Variants in DYSF observed in about 807,000 individuals in gnomAD.
The protein encoded by DYSF is dysferlin, also known as dystrophy-associated fer-1-like 1.
DYSF carries 212 observed loss-of-function variants against 274.9 expected under a neutral mutation model. That is an observed-to-expected ratio of 0.77 (90% CI 0.69 to 0.86). The LOEUF (loss-of-function observed/expected upper bound fraction) is 0.86. Ranked by LOEUF, DYSF falls within the 40% of genes least tolerant of loss-of-function variation. DYSF has a pLI of 0.00. For missense variants in DYSF, 2,666 were observed against 2,783.2 expected (o/e 0.96, Z 0.95); for synonymous variants, 1,091 against 1,078.7 (o/e 1.01, Z -0.22).
At chr2:71,649,990 A>G (rs1387261556) in intron 42 of DYSF, among the ~76,000 whole-genome samples, 1 of 152,234 alleles carries the variant, frequency 6.6e-6, no homozygotes, top group Non-Finnish European at 1.5e-5. Context: ...AAATGAGACA[A>G]AGGATGACAC....
chr2:71,483,259 A>G (rs1460063602), intron 3 of DYSF, among the ~76,000 whole-genome samples: 2 of 151,958 alleles, frequency 1.3e-5, no homozygotes, highest in African/African-American at 4.8e-5. Flanking sequence ...AGACATCTCC[A>G]CCTGCACGGG....
rs2094958928 is a variant in DYSF, at chr2:71,664,437, G to A, written c.5173G>A (p.Val1725Ile). 1.2e-6 allele frequency: 2 copies of A among 1,614,018 alleles called. No homozygotes were observed. Among genetic ancestry groups the A allele is most frequent in the African/African-American group, 1.3e-5 (1 of 74,928 alleles). The change falls in exon 46 of 56, where the codon GTC becomes ATC. Residue 1725 changes from valine to isoleucine, a missense_variant and splice_region_variant. Coordinates refer to ENST00000410020, the MANE Select transcript of DYSF (RefSeq NM_001130987.2). The part of the protein sequence containing the change: ...ARCGLPQTYC[V>I]SGPNQWRDQL... ...CTGTGGACTCCCACAGACCTACTGT[G>A]TGTACGTGGATGGGGGCTGGCTGCC... is the stretch of plus-strand genomic sequence containing the variant.
upstream of DYSF, chr2:71,466,656 G>A (rs1196521900): frequency 4.6e-6 from 6 of 1,316,086 alleles, no homozygotes; most frequent in Non-Finnish European, 5.8e-6. Flanking sequence ...TCCGCCCAGC[G>A]GGTGTCCGGT....
intron 32 of DYSF, among the ~76,000 whole-genome samples, chr2:71,592,984 G>A (rs1259708818): frequency 1.3e-5 from 2 of 152,180 alleles, no homozygotes; most frequent in African/African-American, 4.8e-5. Flanking sequence ...CTTAGGTGGG[G>A]TTTGAGTGTA....
At chr2:71,485,837 G>A (rs2083315275) in intron 3 of DYSF, among the ~76,000 whole-genome samples, 1 of 152,152 alleles carries the variant, frequency 6.6e-6, no homozygotes, top group African/African-American at 2.4e-5. Context: ...TTTTTGAGAT[G>A]GAGTCTTGCT....
chr2:71,683,032 C>G (rs188872486), intron 55 of DYSF, among the ~76,000 whole-genome samples: 2 of 152,270 alleles, frequency 1.3e-5, no homozygotes, highest in East Asian at 3.9e-4. Context: ...AGGTGTGGAA[C>G]TGGGTCTGAA....
At chr2:71,526,418 T>TTGTGGGGGGGGGGTTG in intron 13 of DYSF, 72 bp downstream of exon 13, 1 of 261,506 alleles carries the variant, frequency 3.8e-6, no homozygotes, top group Non-Finnish European at 7.0e-6. Flanking sequence ...GGGTGGGCGA[T>TTGTGGGGGGGGGGTTG]GGCGGGCGGG....
intron 55 of DYSF, among the ~76,000 whole-genome samples, chr2:71,682,995 G>T (rs570226516): frequency 1.3e-5 from 2 of 152,210 alleles, no homozygotes; most frequent in Admixed American, 6.5e-5. Context: ...TTTGGGTTGC[G>T]GTGGGCAGGG....
At chr2:71,478,462 C>T (rs944182801) in intron 1 of DYSF, among the ~76,000 whole-genome samples, 8 of 152,114 alleles carry the variant, frequency 5.3e-5, no homozygotes, top group Admixed American at 5.2e-4. Context: ...CCACCCACCT[C>T]AGCCTCCCAG....
intron 32 of DYSF, among the ~76,000 whole-genome samples, chr2:71,593,885 G>T (rs796544105): frequency 6.6e-6 from 1 of 152,204 alleles, no homozygotes; most frequent in African/African-American, 2.4e-5. Flanking sequence ...CAGGTCACTG[G>T]GCTCAGGCGG....
chr2:71,651,547 G>C (rs2094660725), intron 42 of DYSF, among the ~76,000 whole-genome samples: 1 of 152,132 alleles, frequency 6.6e-6, no homozygotes, highest in Non-Finnish European at 1.5e-5. Flanking sequence ...GAGAGAGCTG[G>C]AGCCAGGGAA....
intron 40 of DYSF, among the ~76,000 whole-genome samples, chr2:71,618,033 AG>A (rs2152887322): frequency 1.3e-5 from 1 of 75,826 alleles, no homozygotes; most frequent in African/African-American, 5.5e-5. Flanking sequence ...TGTGTGTGGT[AG>A]AGATGGTGTG....
intron 53 of DYSF, 135 bp downstream of exon 53, chr2:71,679,370 C>T: frequency 2.3e-6 from 2 of 888,590 alleles, no homozygotes; most frequent in Non-Finnish European, 3.4e-6. Context: ...CCCCCATCCC[C>T]CCTCTCTCTC....
At chr2:71,518,555 G>A (rs1474962194) in intron 10 of DYSF, among the ~76,000 whole-genome samples, 2 of 151,460 alleles carry the variant, frequency 1.3e-5, no homozygotes, top group East Asian at 3.9e-4. Flanking sequence ...ATGAGCCACC[G>A]TGCCTGGCCT....
chr2:71,511,830 C>G lies in DYSF; in HGVS notation c.369C>G (p.Ser123=). 1 of 1,551,484 alleles carries G rather than the reference C, an allele frequency of 6.4e-7. No individual in the cohort carries two copies. The highest frequency in any genetic ancestry group is 8.7e-7 in the Non-Finnish European group (1 of 1,146,824). Reference sequence around the variant, plus strand: ...AGGCCTCGCTGGTCCTGCAGGTGTCCTACACACCGCTGCCTGGAGCTGTGC... The same window carrying G: ...AGGCCTCGCTGGTCCTGCAGGTGTCGTACACACCGCTGCCTGGAGCTGTGC... ...PTGASLVLQV[S]YTPLPGAVPL... The change falls in exon 5 of 56, where the codon TCC becomes TCG. Residue 123 remains serine (S), a synonymous_variant. Coordinates refer to ENST00000410020, the MANE Select transcript of DYSF (RefSeq NM_001130987.2).
At chr2:71,614,069 G>A (rs1002087849) in intron 40 of DYSF, among the ~76,000 whole-genome samples, 12 of 152,282 alleles carry the variant, frequency 7.9e-5, no homozygotes, top group African/African-American at 2.2e-4. Context: ...CATGGCAGGA[G>A]GTCTGTGGCA....
chr2:71,535,363 G>C, intron 16 of DYSF, 52 bp downstream of exon 16: 1 of 1,532,188 alleles, frequency 6.5e-7, no homozygotes, highest in South Asian at 1.1e-5. Context: ...AGGGGGCGCT[G>C]GGTCCCTCAG....
At chr2:71,484,853 G>A (rs1180321141) in intron 3 of DYSF, among the ~76,000 whole-genome samples, 1 of 152,232 alleles carries the variant, frequency 6.6e-6, no homozygotes, top group Admixed American at 6.5e-5. Flanking sequence ...CACGCAGGCT[G>A]TTCTGGCTCT....
chr2:71,462,856 G>A (rs1029536888), upstream of DYSF, among the ~76,000 whole-genome samples: 2 of 152,234 alleles, frequency 1.3e-5, no homozygotes, highest in African/African-American at 4.8e-5. Context: ...GTCTAGCTGA[G>A]TCCTGGGATT....
Sources: gnomAD v4.1 joint callset for allele counts (sites outside exome capture counted in the v4.1 genomes callset) on GRCh38, gnomAD v4.1.1 for gene constraint, MANE v1.5 for transcripts, NCBI Gene and HGNC (gene_info 2026-07-23, HGNC 2026-07-21) for gene names.